HVCN1: variants seen among roughly 807,000 people sequenced by gnomAD.
HVCN1 encodes hydrogen voltage gated channel 1.
HVCN1 carries 14 observed loss-of-function variants against 29.2 expected under a neutral mutation model. The observed-to-expected ratio is 0.48, with a 90% CI of 0.32 to 0.75. HVCN1 has a LOEUF of 0.75. HVCN1 is among the 30% of genes least tolerant of loss of function. The pLI is 0.04. For synonymous variants in HVCN1, 131 were observed against 133.2 expected (o/e 0.98, Z 0.11); for missense variants, 263 against 341.8 (o/e 0.77, Z 1.82).
In HVCN1 at chr12:110,676,973, C is replaced by T. The variant is rs984871511; in HGVS notation, c.21+6252G>A. Among the ~76,000 whole-genome samples the T allele has an allele frequency of 6.6e-6, 1 of 151,984 alleles. No individual in the cohort carries two copies. Among genetic ancestry groups the T allele is most frequent in the Non-Finnish European group, 1.5e-5 (1 of 68,000 alleles). On this transcript the variant is annotated intron_variant, in intron 3 of 7. Coordinates refer to ENST00000242607, the MANE Select transcript of HVCN1 (RefSeq NM_032369.4). The surrounding 1 kb of genome is among the most constrained non-coding windows in gnomAD (Gnocchi z 4.1). ...CCTGTAATCCCAGCACTTTGGGAGG[C>T]TGAGGGGGATCACTGAGTTCAGGAG... is the stretch of plus-strand genomic sequence containing the variant.
chr12:110,699,639 AG>A lies in HVCN1; in HGVS notation c.-104+2669del, dbSNP rs983228927. On this transcript the variant is annotated intron_variant, in intron 2 of 4. Transcript: ENST00000546713. ...GCCGAGAACAGCCAGATCGAATGTG[AG>A]GCTGAAGAGTGAAATGGCCAGTGAT... 2.0e-5 allele frequency among the ~76,000 whole-genome samples: 3 copies of A among 152,054 alleles called. No homozygotes were observed. The East Asian group carries it at 5.8e-4, about 29-fold the overall frequency.
intron 2 of HVCN1, among the ~76,000 whole-genome samples, chr12:110,698,881 G>T (rs942648184): frequency 6.6e-6 from 1 of 152,120 alleles, no homozygotes; most frequent in Non-Finnish European, 1.5e-5. Context: ...TAATCCCAAC[G>T]CTTTGGGAGG....
At chr12:110,682,985 A>G in intron 3 of HVCN1, 1 of 472,002 alleles carries the variant, frequency 2.1e-6, no homozygotes, top group Middle Eastern at 5.7e-4. Flanking sequence ...AAACAAAAAA[A>G]ACCGCACATA....
chr12:110,681,590 T>C (rs1485705580), intron 3 of HVCN1, among the ~76,000 whole-genome samples: 6 of 152,236 alleles, frequency 3.9e-5, no homozygotes, highest in African/African-American at 1.2e-4. Flanking sequence ...TTATGAAGGA[T>C]ACCTGGAGCT....
chr12:110,657,508 G>GAAA (rs529473919), intron 4 of HVCN1, among the ~76,000 whole-genome samples: 1 of 87,144 alleles, frequency 1.1e-5, no homozygotes, highest in Non-Finnish European at 2.5e-5. Context: ...AAAGAAAAAA[G>GAAA]AAAAAAAAAA....
intron 3 of HVCN1, among the ~76,000 whole-genome samples, chr12:110,681,863 A>G (rs1000891712): frequency 4.9e-4 from 74 of 151,896 alleles, no homozygotes; most frequent in Non-Finnish European, 7.5e-4. Flanking sequence ...TTCACAACCA[A>G]TGCCCCCCAA....
intron 3 of HVCN1, among the ~76,000 whole-genome samples, chr12:110,666,568 G>A (rs1227569728): frequency 1.3e-5 from 2 of 152,184 alleles, no homozygotes; most frequent in African/African-American, 4.8e-5. Context: ...AGTTTAACAT[G>A]TGTACTTGTA....
intron 2 of HVCN1, among the ~76,000 whole-genome samples, chr12:110,686,045 C>G (rs1326098864): frequency 1.3e-5 from 2 of 151,988 alleles, no homozygotes; most frequent in Non-Finnish European, 2.9e-5. Flanking sequence ...GTTGCCTAGG[C>G]TGGAATGCAG....
intron 2 of HVCN1, among the ~76,000 whole-genome samples, chr12:110,697,648 T>G (rs1165381131): frequency 6.8e-6 from 1 of 148,102 alleles, no homozygotes; most frequent in Non-Finnish European, 1.5e-5. Flanking sequence ...GCGCGAAGCA[T>G]CTTTTTTTTT....
intron 4 of HVCN1, 25 bp from the exon 5 acceptor site, chr12:110,655,363 A>G: frequency 6.4e-7 from 1 of 1,561,920 alleles, no homozygotes; most frequent in Non-Finnish European, 8.8e-7. Context: ...AAGGTGCCAG[A>G]GATCATGAGA....
chr12:110,665,680 T>C (rs1300222669), intron 3 of HVCN1, among the ~76,000 whole-genome samples: 1 of 151,334 alleles, frequency 6.6e-6, no homozygotes, highest in Non-Finnish European at 1.5e-5. Context: ...AGGGAGCAAA[T>C]AAAAATCTTA....
intron 3 of HVCN1, among the ~76,000 whole-genome samples, chr12:110,665,658 ATAAACT>A (rs985652133): frequency 6.6e-6 from 1 of 152,226 alleles, no homozygotes; most frequent in African/African-American, 2.4e-5. Flanking sequence ...CAAGGAAAAC[ATAAACT>A]TAATGAGGGA....
chr12:110,695,318 T>A (rs987447506), intron 2 of HVCN1, among the ~76,000 whole-genome samples: 4 of 149,620 alleles, frequency 2.7e-5, no homozygotes, highest in Non-Finnish European at 6.0e-5. Context: ...ATTTCTATAA[T>A]TATAATTGTA....
At chr12:110,669,523 A>C (rs1477334727) in intron 3 of HVCN1, among the ~76,000 whole-genome samples, 1 of 152,146 alleles carries the variant, frequency 6.6e-6, no homozygotes, top group African/African-American at 2.4e-5. Context: ...TTGCAGTTCT[A>C]GAGCGGACCA....
chr12:110,690,816 A>G (rs1208165113), upstream of HVCN1, among the ~76,000 whole-genome samples: 1 of 150,334 alleles, frequency 6.7e-6, no homozygotes, highest in Non-Finnish European at 1.5e-5. Context: ...GTGCAATGGC[A>G]TGATCTTGGC....
At chr12:110,696,773 AAAG>A (rs1213138237) in intron 2 of HVCN1, among the ~76,000 whole-genome samples, 1 of 152,132 alleles carries the variant, frequency 6.6e-6, no homozygotes, top group Non-Finnish European at 1.5e-5. Flanking sequence ...TTTTATGGCC[AAAG>A]AATATTCCAC....
chr12:110,679,469 C>T (rs897207302), intron 3 of HVCN1, among the ~76,000 whole-genome samples: 4 of 152,220 alleles, frequency 2.6e-5, no homozygotes, highest in African/African-American at 9.7e-5. Context: ...CAGGCTCGAG[C>T]CAGGCACCCG....
At chr12:110,682,660 T>G (rs539997597) in intron 3 of HVCN1, 231 of 158,092 alleles carry the variant, frequency 1.5e-3, no homozygotes, top group Admixed American at 3.0e-3. Context: ...TGGTAAATAA[T>G]CTTTTCACTA....
At chr12:110,691,354 C>T (rs1372732441), upstream of HVCN1, among the ~76,000 whole-genome samples, 1 of 152,230 alleles carries the variant, frequency 6.6e-6, no homozygotes, top group East Asian at 1.9e-4. Context: ...TGAGCCACCG[C>T]GTCTGGCCAG....
Sources: gnomAD v4.1 joint callset for allele counts (sites outside exome capture counted in the v4.1 genomes callset) on GRCh38, gnomAD v4.1.1 for gene constraint, Gnocchi (gnomAD v3.1) non-coding constraint, MANE v1.5 for transcripts, NCBI Gene and HGNC (gene_info 2026-07-23, HGNC 2026-07-21) for gene names.